DDC: variants seen among roughly 807,000 people sequenced by gnomAD.
DDC encodes aromatic-L-amino-acid decarboxylase.
DDC carries 43 observed loss-of-function variants against 60.0 expected under a neutral mutation model. The observed-to-expected ratio is 0.72, with a 90% CI of 0.56 to 0.92. DDC has a LOEUF of 0.92. DDC is among the 40% of genes least tolerant of loss of function. The pLI, the probability that DDC is intolerant of heterozygous loss-of-function variation, is 0.00. For missense variants in DDC, 573 were observed against 620.2 expected, an observed-to-expected ratio of 0.92 and a Z score of 0.81; for synonymous variants, 232 against 234.6, an observed-to-expected ratio of 0.99 and a Z score of 0.10.
intron 13 of DDC, among the ~76,000 whole-genome samples, chr7:50,465,018 G>C (rs1468917752): frequency 6.6e-6 from 1 of 152,168 alleles, no homozygotes; most frequent in African/African-American, 2.4e-5. Context: ...AAAATGCCTT[G>C]GACTTCCTTC....
chr7:50,460,259 G>T (rs1032154565), intron 14 of DDC, among the ~76,000 whole-genome samples: 19 of 139,802 alleles, frequency 1.4e-4, no homozygotes, highest in Admixed American at 4.9e-4. Flanking sequence ...GGCCCAGCCT[G>T]CCGCCCCGTC....
At chr7:50,538,130 C>A in intron 3 of DDC, 151 bp from the exon 4 acceptor site, 1 of 968,700 alleles carries the variant, frequency 1.0e-6, no homozygotes, top group Non-Finnish European at 1.6e-6. Context: ...GCTGTTTGAC[C>A]TAGAATCATG....
At chr7:50,508,841 A>G (rs1388092706) in intron 6 of DDC, among the ~76,000 whole-genome samples, 1 of 152,104 alleles carries the variant, frequency 6.6e-6, no homozygotes, top group Non-Finnish European at 1.5e-5. Flanking sequence ...CAGCTTTACA[A>G]TCCTTTGGCT....
Position 50,544,130 on chromosome 7 carries a change from A to AT in DDC, c.-28-18dup. 1.9e-6 allele frequency: 3 copies of AT among 1,596,152 alleles called. No individual in the cohort carries two copies. The highest frequency in any genetic ancestry group is 2.6e-6 in the Non-Finnish European group (3 of 1,163,932). On this transcript the variant is annotated splice_polypyrimidine_tract_variant and intron_variant, in intron 1 of 14. Transcript: ENST00000444124. ...AGGTGAAAACTGCAGAAAGAAAATG[A>AT]TTCAGTGAGCAAATTTTGCAACCTC... is the stretch of plus-strand genomic sequence containing the variant.
chr7:50,532,989 A>G (rs1416819057), intron 4 of DDC, among the ~76,000 whole-genome samples: 1 of 152,174 alleles, frequency 6.6e-6, no homozygotes, highest in Non-Finnish European at 1.5e-5. Context: ...TTTTTTTTAT[A>G]AGAATGGAAA....
chr7:50,467,172 C>T, intron 13 of DDC, 42 bp downstream of exon 13: 3 of 1,507,886 alleles, frequency 2.0e-6, no homozygotes, highest in East Asian at 4.5e-5. Context: ...TCCCCTCTGT[C>T]ACATTCACAG....
intron 6 of DDC, among the ~76,000 whole-genome samples, chr7:50,513,367 C>G (rs895232488): frequency 1.3e-4 from 20 of 152,144 alleles, no homozygotes; most frequent in African/African-American, 4.8e-4. Flanking sequence ...CTGCTGGCAC[C>G]ACAGGGATCC....
At chr7:50,476,231 A>G (rs2042640670) in intron 11 of DDC, among the ~76,000 whole-genome samples, 1 of 152,228 alleles carries the variant, frequency 6.6e-6, no homozygotes, top group Non-Finnish European at 1.5e-5. Flanking sequence ...GGCTGCTGAG[A>G]TGACTGGCCC....
chr7:50,556,590 AT>A (rs2045196026), intron 1 of DDC, among the ~76,000 whole-genome samples: 1 of 152,202 alleles, frequency 6.6e-6, no homozygotes, highest in Admixed American at 6.5e-5. Flanking sequence ...AGAGTACAAG[AT>A]AATTACAAAG....
rs1272078995 is a variant in DDC, at chr7:50,510,665, T to A, written c.715-6606A>T. Among the ~76,000 whole-genome samples, 6 of 75,252 alleles carry A rather than the reference T, an allele frequency of 8.0e-5. No homozygotes were observed. The Admixed American group carries it at 9.2e-4, about 12-fold the overall frequency. The allele number at this position is 75,252 out of a possible 152,430, so 49.4% of individuals were successfully genotyped here. A position where few individuals can be genotyped will look rare whatever the true frequency, so the allele number is the denominator to read the frequency against. ...GCCTGGGTGACAGAGTGAGACTCCA[T>A]CTCAAAAAAAAAAAAAAAAAAATGT... On this transcript the variant is annotated intron_variant, in intron 6 of 14. Transcript: ENST00000444124.
At chr7:50,532,485 A>T (rs2044248892) in intron 4 of DDC, among the ~76,000 whole-genome samples, 1 of 152,018 alleles carries the variant, frequency 6.6e-6, no homozygotes, top group African/African-American at 2.4e-5. Context: ...AACAGTCATA[A>T]CTCTGGTTGT....
At chr7:50,475,244 C>G (rs1003635405) in intron 11 of DDC, among the ~76,000 whole-genome samples, 1 of 152,206 alleles carries the variant, frequency 6.6e-6, no homozygotes, top group Admixed American at 6.5e-5. Flanking sequence ...TCAGGGTGAG[C>G]TGGTCCTCAG....
chr7:50,554,995 A>G (rs1323985084), intron 1 of DDC, among the ~76,000 whole-genome samples: 1 of 152,128 alleles, frequency 6.6e-6, no homozygotes, highest in African/African-American at 2.4e-5. Flanking sequence ...ACCTTAGGTA[A>G]CCGAGGAAGC....
chr7:50,523,434 T>A (rs12538830), intron 6 of DDC, among the ~76,000 whole-genome samples: 108,732 of 152,014 alleles, frequency 0.72, 39,212 homozygotes, highest in East Asian at 0.8. Flanking sequence ...TTGATAAAGG[T>A]TTGCTACCCA....
chr7:50,459,030 C>A (rs1222170296), intron 14 of DDC, among the ~76,000 whole-genome samples, 187 bp from the exon 15 acceptor site: 4 of 152,166 alleles, frequency 2.6e-5, no homozygotes, highest in African/African-American at 7.2e-5. Flanking sequence ...TGTACTGCTG[C>A]CATCTCGGCT....
chr7:50,554,049 T>A (rs2045100404), intron 1 of DDC, among the ~76,000 whole-genome samples: 1 of 152,160 alleles, frequency 6.6e-6, no homozygotes, highest in Admixed American at 6.5e-5. Flanking sequence ...ACGTGAATAA[T>A]CTAAATCCGC....
intron 1 of DDC, among the ~76,000 whole-genome samples, chr7:50,555,024 C>T (rs2045134006): frequency 6.6e-6 from 1 of 152,046 alleles, no homozygotes; most frequent in Non-Finnish European, 1.5e-5. Context: ...CCTCTATGGC[C>T]AATATGATGC....
intron 8 of DDC, 104 bp downstream of exon 8, chr7:50,499,044 C>T (rs539352902): frequency 1.0e-6 from 1 of 963,708 alleles, no homozygotes; most frequent in Non-Finnish European, 1.7e-6. Flanking sequence ...TTGGCTGAAA[C>T]AAACCTCAAT....
In DDC at chr7:50,503,946, G is replaced by A. The variant is rs143542548; in HGVS notation, c.781+47C>T. On this transcript the variant is annotated intron_variant, in intron 7 of 14. Transcript: ENST00000444124. ...ACGAGGAAGGTTTGCTAAATTCCCC[G>A]TGTACAGAGAACATTTTCCAAAAAG... The A allele has an allele frequency of 4.1e-4, 546 of 1,342,902 alleles. 3 individuals carry two copies. The Middle Eastern group carries it at 4.3e-3, about 11-fold the overall frequency. The allele number at this position is 1,342,902 out of a possible 1,614,324, so 83.2% of individuals were successfully genotyped here.
Sources: gnomAD v4.1 joint callset for allele counts (sites outside exome capture counted in the v4.1 genomes callset) on GRCh38, gnomAD v4.1.1 for gene constraint, MANE v1.5 for transcripts, NCBI Gene and HGNC (gene_info 2026-07-23, HGNC 2026-07-21) for gene names.